The following PCDHGA4 variants were observed in gnomAD, a reference collection of about 807,000 sequenced individuals.
PCDHGA4 encodes protocadherin gamma-A4.
In PCDHGA4, 38 loss-of-function variants were observed where a neutral mutation model predicts 54.6. That is an observed-to-expected ratio of 0.70 (90% confidence interval 0.54 to 0.91). The LOEUF (loss-of-function observed/expected upper bound fraction) is 0.91. Ranked by LOEUF, PCDHGA4 falls within the 40% of genes least tolerant of loss-of-function variation. The pLI, the probability that PCDHGA4 is intolerant of heterozygous loss-of-function variation, is 0.00. For missense variants in PCDHGA4, 1,298 were observed against 1,220.9 expected, an observed-to-expected ratio of 1.06 and a Z score of -0.94; for synonymous variants, 511 against 512.9, an observed-to-expected ratio of 1.00 and a Z score of 0.05.
chr5:141,357,918 G>A (rs953225930), intron 1 of PCDHGA4, among the ~76,000 whole-genome samples: 1 of 152,172 alleles, frequency 6.6e-6, no homozygotes, highest in Non-Finnish European at 1.5e-5. Flanking sequence ...TGCTGGGTGT[G>A]GTGGCTCACA....
chr5:141,419,692 C>T (rs2096416788), intron 1 of PCDHGA4: 15 of 1,612,780 alleles, frequency 9.3e-6, no homozygotes, highest in Non-Finnish European at 1.3e-5. Context: ...TGGTGCAGGC[C>T]AGTGAGCCCG....
chr5:141,511,560 TC>T lies in PCDHGA4; in HGVS notation c.*390del. ...CCACCCCACTCCAACAGTTCCTCTT[TC>T]CCGAGTAAGGTGGTTGGGGTGTTGA... On this transcript the variant is annotated 3_prime_UTR_variant, in exon 4 of 4. Transcript: ENST00000571252. 3.3e-6 allele frequency: 1 copy of T among 298,990 alleles called. No individual in the cohort carries two copies. The highest frequency in any genetic ancestry group is 3.7e-5 in the South Asian group (1 of 27,250). The allele number at this position is 298,990 out of a possible 1,614,324, so 18.5% of individuals were successfully genotyped here. A position where few individuals can be genotyped will look rare whatever the true frequency, so the allele number is the denominator to read the frequency against.
chr5:141,473,798 T>C lies in PCDHGA4; in HGVS notation c.2515-21009T>C, dbSNP rs1202883137. 2.6e-5 allele frequency among the ~76,000 whole-genome samples: 4 copies of C among 152,350 alleles called. 1 individual carries two copies. The highest frequency in any genetic ancestry group is 6.8e-3 in the Middle Eastern group (2 of 294). On this transcript the variant is annotated intron_variant, in intron 1 of 3. Transcript: ENST00000571252. ...TTTTAATTCAAGAGCAGTATGATGCTACTGAGGAGCAGCTGGACAATTGTG... is the reference window on the plus strand; with the variant it reads ...TTTTAATTCAAGAGCAGTATGATGCCACTGAGGAGCAGCTGGACAATTGTG...
At chr5:141,370,009 A>G (rs1310003326) in intron 1 of PCDHGA4, among the ~76,000 whole-genome samples, 1 of 152,282 alleles carries the variant, frequency 6.6e-6, no homozygotes, top group Non-Finnish European at 1.5e-5. Flanking sequence ...ATTAAAAGAA[A>G]TAACAGACTA....
At chr5:141,405,186 G>T (rs762537440) in intron 1 of PCDHGA4, 2 of 1,612,892 alleles carry the variant, frequency 1.2e-6, no homozygotes, top group Non-Finnish European at 1.7e-6. Context: ...GGTGTAGATG[G>T]GGTTCGAGCT....
chr5:141,464,524 T>C (rs2099086175), intron 1 of PCDHGA4, among the ~76,000 whole-genome samples: 1 of 152,094 alleles, frequency 6.6e-6, no homozygotes, highest in Non-Finnish European at 1.5e-5. Context: ...AAGGCATATG[T>C]AGTTTTGTTA....
chr5:141,362,542 G>A, intron 1 of PCDHGA4: 1 of 1,613,768 alleles, frequency 6.2e-7, no homozygotes, highest in Non-Finnish European at 8.5e-7. Context: ...TTTTGCCTCA[G>A]ATACTATTTT....
Position 141,476,755 on chromosome 5 carries a change from G to A in PCDHGA4, c.2515-18052G>A, listed in dbSNP as rs1307512875. The stretch of plus-strand genomic sequence containing the variant: ...AACGGGAGCCTAGTCTCCAGTTAGT[G>A]CTGACGGCGTTGGACGGAGGGACCC... On this transcript the variant is annotated intron_variant, in intron 1 of 3. Coordinates refer to ENST00000571252, the MANE Select transcript of PCDHGA4 (RefSeq NM_018917.4). This position sits in a 1 kb window ranked among gnomAD's most constrained non-coding sequence, Gnocchi z 7.6. 1.2e-6 allele frequency: 2 copies of A among 1,613,828 alleles called. No homozygotes were observed. Among genetic ancestry groups the A allele is most frequent in the Non-Finnish European group, 1.7e-6 (2 of 1,180,036 alleles).
Position 141,432,072 on chromosome 5 carries a change from T to C in PCDHGA4, c.2515-62735T>C, listed in dbSNP as rs1236871982. The C allele has an allele frequency of 6.2e-7, 1 of 1,614,178 alleles. No homozygotes were observed. The highest frequency in any genetic ancestry group is 8.5e-7 in the Non-Finnish European group (1 of 1,180,032). On this transcript the variant is annotated intron_variant, in intron 1 of 3. Coordinates refer to ENST00000571252, the MANE Select transcript of PCDHGA4 (RefSeq NM_018917.4). This position sits in a 1 kb window ranked among gnomAD's most constrained non-coding sequence, Gnocchi z 6.0. ...CCGCCCCTATCCACGGAAACTCATA[T>C]CTCGCTGAACGTGGCAGACACCAAC...
intron 1 of PCDHGA4, among the ~76,000 whole-genome samples, chr5:141,454,989 T>C (rs1460420144): frequency 6.6e-6 from 1 of 151,506 alleles, no homozygotes; most frequent in East Asian, 2.0e-4. Context: ...TTAAAAAATA[T>C]TTTTAGTAGA....
intron 1 of PCDHGA4, chr5:141,492,003 T>G: frequency 1.6e-6 from 1 of 626,972 alleles, no homozygotes; most frequent in Non-Finnish European, 2.6e-6. Context: ...TCGGGCGATT[T>G]CCGCGGGTGT....
At chr5:141,375,147 C>A (rs768909291) in intron 1 of PCDHGA4, 1 of 1,613,946 alleles carries the variant, frequency 6.2e-7, no homozygotes, top group South Asian at 1.1e-5. Context: ...GGAAGCAGAA[C>A]AATTGCTGAA....
chr5:141,387,779 G>T, intron 1 of PCDHGA4: 1 of 1,458,032 alleles, frequency 6.9e-7, no homozygotes, highest in Admixed American at 2.6e-5. Flanking sequence ...TTCTTGAACT[G>T]GAACTGCAAC....
Position 141,357,378 on chromosome 5 carries a change from C to G in PCDHGA4, c.2271C>G (p.His757Gln). The G allele has an allele frequency of 1.2e-6, 2 of 1,614,214 alleles. No individual in the cohort carries two copies. The highest frequency in any genetic ancestry group is 2.2e-5 in the South Asian group (2 of 91,090). Residue 757 changes from histidine to glutamine, a missense_variant, in exon 1 of 4, where the codon CAC becomes CAG. Physicochemically the swap from His to Gln is conservative, Grantham distance 24 (BLOSUM62 0). Transcript: ENST00000571252. ...GCTGGCACAAGTCACGCCTGCTTCACGCTGAAGGCAGCAGGTTGGCAGGTG... is the reference window on the plus strand; with the variant it reads ...GCTGGCACAAGTCACGCCTGCTTCAGGCTGAAGGCAGCAGGTTGGCAGGTG... Reference protein sequence around the residue: ...LRRWHKSRLLHAEGSRLAGVP... With the variant: ...LRRWHKSRLLQAEGSRLAGVP...
At chr5:141,474,854 T>G (rs1007461186) in intron 1 of PCDHGA4, among the ~76,000 whole-genome samples, 3 of 152,260 alleles carry the variant, frequency 2.0e-5, no homozygotes, top group African/African-American at 7.2e-5. Flanking sequence ...CCTGCCTTCT[T>G]CATTTAATAG....
At chr5:141,375,670 G>A (rs1186753190) in intron 1 of PCDHGA4, 5 of 1,614,248 alleles carry the variant, frequency 3.1e-6, no homozygotes, top group Non-Finnish European at 4.2e-6. Context: ...GAGACCTACA[G>A]CTGTGGGTGA....
In PCDHGA4 at chr5:141,381,098, G is replaced by A. The variant is rs114784627; in HGVS notation, c.2514+23477G>A. Reference sequence around the variant, plus strand: ...TTATTTTGATAGATCAAAACAGAATGTCCTTCAAAGTGTTCCCTGTATTCT... The same window carrying A: ...TTATTTTGATAGATCAAAACAGAATATCCTTCAAAGTGTTCCCTGTATTCT... On this transcript the variant is annotated intron_variant, in intron 1 of 3. Transcript: ENST00000571252. 2.4e-3 allele frequency among the ~76,000 whole-genome samples: 370 copies of A among 152,320 alleles called. 4 individuals carry two copies. Among genetic ancestry groups the A allele is most frequent in the African/African-American group, 8.6e-3 (357 of 41,576 alleles).
rs115340023 is a variant in PCDHGA4 at position 141,387,818 on chromosome 5, G to T, written c.2514+30197G>T. 2,906 of 1,551,554 alleles carry T rather than the reference G, an allele frequency of 1.9e-3. 45 individuals carry two copies. The African/African-American group carries it at 0.028, about 15-fold the overall frequency. ...AGTCCGTTCGGAGATCCAAAAATCT[G>T]CAATACAGAGGTTATTTGTAACCCG... On this transcript the variant is annotated intron_variant, in intron 1 of 3. Transcript: ENST00000571252.
chr5:141,394,821 G>C (rs2093106496), intron 1 of PCDHGA4: 4 of 1,613,862 alleles, frequency 2.5e-6, no homozygotes, highest in Middle Eastern at 1.6e-4. Flanking sequence ...CAGCATCCCC[G>C]AAGTCCTGAC....
Sources: allele counts gnomAD v4.1 joint callset (sites outside exome capture counted in the v4.1 genomes callset), GRCh38; gene constraint gnomAD v4.1.1; non-coding constraint Gnocchi (gnomAD v3.1); transcripts MANE v1.5; gene names NCBI Gene and HGNC (gene_info 2026-07-23, HGNC 2026-07-21).